The following POFUT3 variants were observed in gnomAD, a reference collection of about 807,000 sequenced individuals.
POFUT3 encodes the protein GDP-fucose protein O-fucosyltransferase 3.
the POFUT3 span, among the ~76,000 whole-genome samples, chr8:33,442,339 G>A: frequency 6.6e-6 from 1 of 150,376 alleles, no homozygotes; most frequent in African/African-American, 2.5e-5. Flanking sequence ...CCAGGCTGGA[G>A]TGCAGTGGTG....
chr8:33,349,642 C>T, the POFUT3 span, among the ~76,000 whole-genome samples: 1 of 152,124 alleles, frequency 6.6e-6, no homozygotes, highest in African/African-American at 2.4e-5. Flanking sequence ...AGTAGTAGTC[C>T]ATGGTGTATA....
chr8:33,337,503 G>A, the POFUT3 span, among the ~76,000 whole-genome samples: 1 of 152,106 alleles, frequency 6.6e-6, no homozygotes, highest in African/African-American at 2.4e-5. Flanking sequence ...AGGCAACTAG[G>A]AAAGGCCAAA....
chr8:33,381,757 G>A, the POFUT3 span, among the ~76,000 whole-genome samples: 2 of 152,150 alleles, frequency 1.3e-5, no homozygotes, highest in Non-Finnish European at 2.9e-5. Context: ...ACAGCTGGCT[G>A]CCAGTGATTA....
the POFUT3 span, among the ~76,000 whole-genome samples, chr8:33,434,335 G>A: frequency 6.6e-6 from 1 of 152,076 alleles, no homozygotes; most frequent in Admixed American, 6.6e-5. Context: ...TCTTGAATCT[G>A]ATTCTCTTAT....
At chr8:33,400,830 TAA>T in the POFUT3 span, among the ~76,000 whole-genome samples, 7 of 152,196 alleles carry the variant, frequency 4.6e-5, no homozygotes, top group Non-Finnish European at 8.8e-5. Flanking sequence ...CAGCATTGCT[TAA>T]AAGAGTGCTC....
chr8:33,328,987 T>C, the POFUT3 span, among the ~76,000 whole-genome samples: 2 of 152,218 alleles, frequency 1.3e-5, no homozygotes, highest in African/African-American at 4.8e-5. Context: ...TGATATTTCA[T>C]GTGACATTTA....
chr8:33,310,996 T>C, the POFUT3 span, among the ~76,000 whole-genome samples: 1 of 152,248 alleles, frequency 6.6e-6, no homozygotes, highest in Admixed American at 6.5e-5. Flanking sequence ...CCTGCTCTGC[T>C]GAACAAAGCA....
the POFUT3 span, among the ~76,000 whole-genome samples, chr8:33,309,344 A>G: frequency 8.7e-6 from 1 of 115,140 alleles, no homozygotes; most frequent in Non-Finnish European, 1.8e-5. Context: ...GTTTATCCTT[A>G]AAGGTATTGT....
At chr8:33,451,061 G>GGTGTGT in the POFUT3 span, among the ~76,000 whole-genome samples, 117 of 88,880 alleles carry the variant, frequency 1.3e-3, no homozygotes, top group East Asian at 9.0e-3. Flanking sequence ...ACACAAAGGA[G>GGTGTGT]GTGTATGTGT....
the POFUT3 span, among the ~76,000 whole-genome samples, chr8:33,447,111 C>G: frequency 9.2e-5 from 14 of 152,168 alleles, no homozygotes; most frequent in Non-Finnish European, 2.9e-5. Flanking sequence ...ACCTTTTCAA[C>G]CAGAACACCT....
chr8:33,453,074 C>G, the POFUT3 span: 3 of 806,916 alleles, frequency 3.7e-6, no homozygotes, highest in South Asian at 5.5e-5. Flanking sequence ...CTCAGGCCTT[C>G]CACAGAGCAA....
At chr8:33,438,913 C>T in the POFUT3 span, among the ~76,000 whole-genome samples, 1 of 151,992 alleles carries the variant, frequency 6.6e-6, no homozygotes, top group African/African-American at 2.4e-5. Flanking sequence ...AATTATCTCC[C>T]ACTGGGTCTT....
At chr8:33,470,593 T>A in the POFUT3 span, among the ~76,000 whole-genome samples, 1 of 152,202 alleles carries the variant, frequency 6.6e-6, no homozygotes, top group Non-Finnish European at 1.5e-5. Flanking sequence ...GTAGGGCTTA[T>A]AGGTTACTTT....
chr8:33,334,961 T>C, the POFUT3 span, among the ~76,000 whole-genome samples: 1 of 152,204 alleles, frequency 6.6e-6, no homozygotes, highest in Non-Finnish European at 1.5e-5. Context: ...CACATTTCTA[T>C]AAGCAGGCTT....
the POFUT3 span, among the ~76,000 whole-genome samples, chr8:33,472,816 A>C: frequency 6.6e-6 from 1 of 152,196 alleles, no homozygotes; most frequent in Non-Finnish European, 1.5e-5. Flanking sequence ...CTTCAATCTC[A>C]GGCAGTGGCT....
chr8:33,320,783 T>C, the POFUT3 span, among the ~76,000 whole-genome samples: 2 of 152,084 alleles, frequency 1.3e-5, no homozygotes, highest in Non-Finnish European at 2.9e-5. Context: ...TCATGGCAGC[T>C]GAGTTACAAG....
chr8:33,459,592 G>C, the POFUT3 span, among the ~76,000 whole-genome samples: 1 of 150,564 alleles, frequency 6.6e-6, no homozygotes, highest in Non-Finnish European at 1.5e-5. Flanking sequence ...GCAGTGAGCC[G>C]AGATCATGCC....
chr8:33,349,804 C>T, the POFUT3 span, among the ~76,000 whole-genome samples: 195 of 152,268 alleles, frequency 1.3e-3, no homozygotes, highest in Middle Eastern at 3.4e-3. Flanking sequence ...TACCCAATAG[C>T]GGGATTGCTG....
At chr8:33,441,378 CTT>C in the POFUT3 span, among the ~76,000 whole-genome samples, 7 of 114,048 alleles carry the variant, frequency 6.1e-5, no homozygotes, top group Admixed American at 9.1e-5. Context: ...TTTTTCCTGC[CTT>C]TTTTTTTTTT....
Sources: allele counts gnomAD v4.1 joint callset (sites outside exome capture counted in the v4.1 genomes callset), GRCh38; gene constraint gnomAD v4.1.1; transcripts MANE v1.5; gene names NCBI Gene and HGNC (gene_info 2026-07-23, HGNC 2026-07-21).